ADAM12: variants seen among roughly 807,000 people sequenced by gnomAD.
ADAM12 encodes the protein ADAM metallopeptidase domain 12.
A neutral mutation model predicts 106.4 loss-of-function variants in ADAM12; 70 were observed. The observed-to-expected ratio is 0.66, with a 90% CI of 0.54 to 0.80. ADAM12 has a LOEUF of 0.80. Among genes scored for constraint, ADAM12 ranks in the 30% least tolerant of loss-of-function variants. The pLI is 0.00. For missense variants in ADAM12, 1,010 were observed against 1,171.9 expected, an observed-to-expected ratio of 0.86 and a Z score of 2.02; for synonymous variants, 420 against 433.5, an observed-to-expected ratio of 0.97 and a Z score of 0.39.
At chr10:126,067,972 T>A (rs139091998) in intron 12 of ADAM12, among the ~76,000 whole-genome samples, 1 of 152,220 alleles carries the variant, frequency 6.6e-6, no homozygotes. Flanking sequence ...CTATATCCTA[T>A]GTAAAACTCT....
intron 1 of ADAM12, among the ~76,000 whole-genome samples, chr10:126,331,480 C>T (rs1854509751): frequency 1.3e-5 from 2 of 152,198 alleles, no homozygotes; most frequent in Admixed American, 1.3e-4. Context: ...TCCCCAAATA[C>T]TTTTAAATCC....
At chr10:126,139,829 G>A (rs922077753) in intron 4 of ADAM12, among the ~76,000 whole-genome samples, 6 of 152,156 alleles carry the variant, frequency 3.9e-5, no homozygotes, top group East Asian at 1.9e-4. Flanking sequence ...GGCAAACCTC[G>A]CTGCCAGGTC....
At chr10:126,205,967 A>G (rs187566785) in intron 3 of ADAM12, among the ~76,000 whole-genome samples, 1 of 152,352 alleles carries the variant, frequency 6.6e-6, no homozygotes, top group East Asian at 1.9e-4. Flanking sequence ...ACCACATAAA[A>G]AATAACACAT....
At position 126,192,094 on chromosome 10, in the gene ADAM12, A is replaced by G. The variant is rs369075272; in HGVS notation, c.261-36789T>C. ...ATCCAATCACCTCCCACTAGTCTCC[A>G]CCTCCAAGTTGGGGATTACAATTTG... On this transcript the variant is annotated intron_variant, in intron 3 of 22. Transcript: ENST00000448723. Among the ~76,000 whole-genome samples, 6 of 152,112 alleles carry G rather than the reference A, an allele frequency of 3.9e-5. No individual in the cohort carries two copies. The East Asian group carries it at 1.2e-3, about 29-fold the overall frequency.
rs575703074 is a variant in ADAM12 at position 126,327,877 on chromosome 10, G to A, written c.186+2535C>T. ...ACTTCCACAGTGAGTTCACACATGG[G>A]AGGAGCCCTGTGGGAAATCTTGGCC... On this transcript the variant is annotated intron_variant, in intron 2 of 22. Transcript: ENST00000448723. Among the ~76,000 whole-genome samples the A allele has an allele frequency of 1.7e-3, 260 of 152,256 alleles. 7 individuals are homozygous for A. Among genetic ancestry groups the A allele is most frequent in the South Asian group, 1.0e-2 (48 of 4,808 alleles).
In ADAM12 at chr10:126,071,561, C is replaced by CGGCA; in HGVS notation, c.1235_1238dup (p.Glu414AlafsTer24). On this transcript the variant is annotated frameshift_variant, in exon 12 of 23. Transcript: ENST00000448723. LOFTEE classifies it high-confidence loss of function. ...GGCCCCCGAAAGACTCCCTGACTTC[C>CGGCA]GGCAGGTTAAACAGGCACACCCCCA... 6.2e-7 allele frequency: 1 copy of CGGCA among 1,614,154 alleles called. No homozygotes were observed.
rs779354386 is a variant in ADAM12, at chr10:126,101,149, G to A, written c.834C>T (p.Thr278=). The A allele has an allele frequency of 4.3e-6, 7 of 1,614,112 alleles. No homozygotes were observed. The highest frequency in any genetic ancestry group is 5.9e-6 in the Non-Finnish European group (7 of 1,179,994). ...TCCAGTCCAGAAATTCATGGAGGCTGGTGAATGGGTCCTGACTTACAGAGC... is the reference window on the plus strand; with the variant it reads ...TCCAGTCCAGAAATTCATGGAGGCTAGTGAATGGGTCCTGACTTACAGAGC... ...DKCSVSQDPF[T]SLHEFLDWRK... Residue 278 remains threonine (T), a synonymous_variant, in exon 9 of 23, where the codon ACC becomes ACT. Transcript: ENST00000448723.
At chr10:126,373,623 G>T (rs1378467722) in intron 1 of ADAM12, among the ~76,000 whole-genome samples, 2 of 152,166 alleles carry the variant, frequency 1.3e-5, no homozygotes, top group African/African-American at 2.4e-5. Flanking sequence ...GATTACAATA[G>T]GCAGCCAACA....
intron 3 of ADAM12, among the ~76,000 whole-genome samples, chr10:126,244,748 G>A (rs1482510820): frequency 6.6e-6 from 1 of 152,156 alleles, no homozygotes; most frequent in African/African-American, 2.4e-5. Context: ...TACATGCTAT[G>A]ATAAAGAGAG....
intron 12 of ADAM12, among the ~76,000 whole-genome samples, chr10:126,067,610 A>G (rs1358307903): frequency 6.6e-6 from 1 of 152,252 alleles, no homozygotes; most frequent in African/African-American, 2.4e-5. Flanking sequence ...TCAGTTCTCA[A>G]CAAAAGGCCT....
chr10:126,085,510 C>G (rs1330046724), intron 11 of ADAM12, among the ~76,000 whole-genome samples: 1 of 150,746 alleles, frequency 6.6e-6, no homozygotes, highest in Non-Finnish European at 1.5e-5. Context: ...TCCATTGTAC[C>G]ATCTATCTAT....
At chr10:126,095,458 C>T (rs890005380) in intron 10 of ADAM12, among the ~76,000 whole-genome samples, 9 of 132,508 alleles carry the variant, frequency 6.8e-5, no homozygotes, top group Admixed American at 9.3e-5. Flanking sequence ...GGCGTGAACC[C>T]GGGAGGCGGA....
At chr10:126,081,128 C>T (rs1387236769) in intron 11 of ADAM12, among the ~76,000 whole-genome samples, 1 of 152,164 alleles carries the variant, frequency 6.6e-6, no homozygotes, top group Non-Finnish European at 1.5e-5. Context: ...CCTGCTGCTT[C>T]CTGTGACTCT....
In ADAM12 at chr10:126,017,181, AT is replaced by A. The variant is rs1953675372; in HGVS notation, c.*97del. ...TTCTTATAGTAATGATGTTTTAAAC[AT>A]TAAAAAAAATCCTAAAAGTTGGTAC... On this transcript the variant is annotated 3_prime_UTR_variant, in exon 23 of 23. Transcript: ENST00000448723. 2.6e-6 allele frequency: 3 copies of A among 1,140,652 alleles called. No individual in the cohort carries two copies. The East Asian group carries it at 7.7e-5, about 29-fold the overall frequency. 70.7% of individuals were successfully genotyped at this position (1,140,652 alleles called of 1,614,324 possible). A position where few individuals can be genotyped will look rare whatever the true frequency, so the allele number is the denominator to read the frequency against.
intron 3 of ADAM12, among the ~76,000 whole-genome samples, chr10:126,262,146 A>G (rs539236827): frequency 2.6e-5 from 4 of 152,180 alleles, no homozygotes; most frequent in Admixed American, 6.5e-5. Context: ...TCTAAGCATA[A>G]TGACCTGTAT....
At chr10:126,033,848 C>T (rs564118724) in intron 21 of ADAM12, among the ~76,000 whole-genome samples, 9 of 152,200 alleles carry the variant, frequency 5.9e-5, no homozygotes, top group Admixed American at 2.6e-4. Flanking sequence ...AAACAGTCAA[C>T]GCAGAATTCT....
chr10:126,376,898 T>C (rs1052996865), intron 1 of ADAM12, among the ~76,000 whole-genome samples: 1 of 152,244 alleles, frequency 6.6e-6, no homozygotes, highest in Non-Finnish European at 1.5e-5. Flanking sequence ...AAGCACTGTA[T>C]ATGTATTCTT....
chr10:126,077,680 T>A (rs556667185), intron 11 of ADAM12, among the ~76,000 whole-genome samples: 1 of 152,210 alleles, frequency 6.6e-6, no homozygotes, highest in South Asian at 2.1e-4. Flanking sequence ...GCTGCTGGGA[T>A]AACTGGCTAA....
At chr10:126,036,053 G>C (rs921291554) in intron 21 of ADAM12, 93 bp downstream of exon 21, 14 of 1,152,170 alleles carry the variant, frequency 1.2e-5, no homozygotes, top group East Asian at 8.9e-5. Flanking sequence ...CAGAGGCACC[G>C]AGAAGTTAAG....
Sources: gnomAD v4.1 joint callset for allele counts (sites outside exome capture counted in the v4.1 genomes callset) on GRCh38, gnomAD v4.1.1 for gene constraint, MANE v1.5 for transcripts, NCBI Gene and HGNC (gene_info 2026-07-23, HGNC 2026-07-21) for gene names.